The following TAFA4 variants were observed in gnomAD, a reference collection of about 807,000 sequenced individuals.
TAFA4 encodes the protein TAFA chemokine like family member 4, also known as chemokine-like protein TAFA-4.
TAFA4 carries 20 observed loss-of-function variants against 21.1 expected under a neutral mutation model. The ratio of observed to expected loss-of-function variants is 0.95; its 90% CI spans 0.67 to 1.38. The LOEUF (loss-of-function observed/expected upper bound fraction) is 1.38, where lower values mean the gene tolerates loss of function less well. Among genes scored for constraint, TAFA4 ranks in the 40% most tolerant of loss-of-function variants. The pLI is 0.00. For missense variants in TAFA4, 211 were observed against 180.9 expected, an observed-to-expected ratio of 1.17 and a Z score of -0.95; for synonymous variants, 71 against 67.4, an observed-to-expected ratio of 1.05 and a Z score of -0.26.
chr3:68,905,659 A>G (rs1305773444), intron 1 of TAFA4, among the ~76,000 whole-genome samples: 1 of 152,150 alleles, frequency 6.6e-6, no homozygotes, highest in South Asian at 2.1e-4. Flanking sequence ...GGACATGTGG[A>G]AGAAAAGCAT....
At chr3:68,758,482 C>T (rs13066315) in intron 3 of TAFA4, among the ~76,000 whole-genome samples, 6,666 of 152,264 alleles carry the variant, frequency 0.044, 370 homozygotes, top group East Asian at 0.25. Context: ...CACACTCTTG[C>T]CTGCTGCCAC....
chr3:68,744,292 A>G (rs1412821861), intron 4 of TAFA4, among the ~76,000 whole-genome samples: 1 of 152,202 alleles, frequency 6.6e-6, no homozygotes, highest in African/African-American at 2.4e-5. Flanking sequence ...AGAGATGGTC[A>G]GGGAAGCCCT....
intron 3 of TAFA4, among the ~76,000 whole-genome samples, chr3:68,797,012 G>A (rs936804959): frequency 2.6e-5 from 4 of 152,166 alleles, no homozygotes; most frequent in Admixed American, 1.3e-4. Flanking sequence ...TGTTGTTGAG[G>A]ATGTGGAGAA....
intron 5 of TAFA4, among the ~76,000 whole-genome samples, chr3:68,737,350 T>C (rs1030052047): frequency 1.3e-5 from 2 of 152,118 alleles, no homozygotes; most frequent in Non-Finnish European, 2.9e-5. Flanking sequence ...GGAAATTTAT[T>C]GGGAATGGCT....
At chr3:68,896,683 C>G (rs1378368024) in intron 1 of TAFA4, among the ~76,000 whole-genome samples, 4 of 152,120 alleles carry the variant, frequency 2.6e-5, no homozygotes, top group Admixed American at 6.5e-5. Flanking sequence ...ACGAGAAGTA[C>G]AAGAGAATGA....
At chr3:68,769,580 C>G (rs1049911499) in intron 3 of TAFA4, among the ~76,000 whole-genome samples, 1 of 152,108 alleles carries the variant, frequency 6.6e-6, no homozygotes, top group African/African-American at 2.4e-5. Flanking sequence ...AGCATTTTTA[C>G]TACAAGGAAA....
At position 68,845,030 on chromosome 3, in the gene TAFA4, A is replaced by G. The variant is rs570104201; in HGVS notation, c.130+35700T>C. ...GAGGAGCGTTCTGTAGAGATCTACT[A>G]GGTCCGCTTGGTCCAGAGCTGAGTT... On this transcript the variant is annotated intron_variant, in intron 3 of 5. Coordinates refer to ENST00000295569, the MANE Select transcript of TAFA4 (RefSeq NM_182522.5). 2.6e-5 allele frequency among the ~76,000 whole-genome samples: 4 copies of G among 152,294 alleles called. No individual in the cohort carries two copies. In the South Asian group the frequency reaches 8.3e-4, roughly 32 times the overall value.
chr3:68,825,500 A>C (rs1467143792), intron 3 of TAFA4, among the ~76,000 whole-genome samples: 1 of 148,838 alleles, frequency 6.7e-6, no homozygotes, highest in Non-Finnish European at 1.5e-5. Flanking sequence ...AAGCAAAGTA[A>C]CAGTTTCTTT....
At chr3:68,840,780 T>A (rs1704643325) in intron 3 of TAFA4, among the ~76,000 whole-genome samples, 1 of 152,188 alleles carries the variant, frequency 6.6e-6, no homozygotes, top group African/African-American at 2.4e-5. Flanking sequence ...GAACACTTAG[T>A]GATTTGTCCT....
chr3:68,845,088 G>A (rs773423831), intron 3 of TAFA4, among the ~76,000 whole-genome samples: 6 of 151,096 alleles, frequency 4.0e-5, no homozygotes, highest in African/African-American at 9.7e-5. Context: ...ATGTTGTCTC[G>A]TTAATCTAAA....
At chr3:68,906,182 T>A (rs530522658) in intron 1 of TAFA4, among the ~76,000 whole-genome samples, 1 of 152,332 alleles carries the variant, frequency 6.6e-6, no homozygotes, top group East Asian at 1.9e-4. Context: ...GTGTCGTTCC[T>A]CAAAATGGCA....
intron 3 of TAFA4, among the ~76,000 whole-genome samples, chr3:68,769,582 A>G (rs549752595): frequency 6.6e-5 from 10 of 152,332 alleles, no homozygotes; most frequent in African/African-American, 2.2e-4. Flanking sequence ...CATTTTTACT[A>G]CAAGGAAATA....
chr3:68,849,052 A>G (rs867134086), intron 3 of TAFA4, among the ~76,000 whole-genome samples: 29 of 152,216 alleles, frequency 1.9e-4, no homozygotes, highest in African/African-American at 6.8e-4. Context: ...AATAAAAAAA[A>G]TTCTTCCTGA....
At chr3:68,864,681 A>T (rs2089393560) in intron 3 of TAFA4, among the ~76,000 whole-genome samples, 1 of 152,170 alleles carries the variant, frequency 6.6e-6, no homozygotes, top group Non-Finnish European at 1.5e-5. Flanking sequence ...CAAAGTTAGA[A>T]AAACTCCAAG....
intron 3 of TAFA4, among the ~76,000 whole-genome samples, chr3:68,801,904 TC>T (rs1703586164): frequency 6.6e-6 from 1 of 151,854 alleles, no homozygotes; most frequent in Non-Finnish European, 1.5e-5. Flanking sequence ...TTTGAACTTG[TC>T]CCCTAATCAT....
At chr3:68,781,602 T>A (rs1459523546) in intron 3 of TAFA4, among the ~76,000 whole-genome samples, 1 of 152,076 alleles carries the variant, frequency 6.6e-6, no homozygotes, top group East Asian at 1.9e-4. Flanking sequence ...CTATATCAAA[T>A]AAATTAAAAT....
At chr3:68,733,677 G>A (rs540385289) in intron 5 of TAFA4, among the ~76,000 whole-genome samples, 1 of 152,226 alleles carries the variant, frequency 6.6e-6, no homozygotes, top group South Asian at 2.1e-4. Context: ...TAAGAAAATT[G>A]AACAGCAGTT....
intron 4 of TAFA4, among the ~76,000 whole-genome samples, chr3:68,746,148 G>A (rs1702453832): frequency 6.6e-6 from 1 of 152,046 alleles, no homozygotes; most frequent in Admixed American, 6.5e-5. Flanking sequence ...GTTTCCCAGG[G>A]GCTCTGGGCT....
chr3:68,829,211 A>G (rs563986567), intron 3 of TAFA4, among the ~76,000 whole-genome samples: 26 of 152,290 alleles, frequency 1.7e-4, no homozygotes, highest in African/African-American at 6.3e-4. Context: ...ATATAGACCA[A>G]TGGAACAGGA....
Sources: gnomAD v4.1 joint callset for allele counts (sites outside exome capture counted in the v4.1 genomes callset) on GRCh38, gnomAD v4.1.1 for gene constraint, MANE v1.5 for transcripts, NCBI Gene and HGNC (gene_info 2026-07-23, HGNC 2026-07-21) for gene names.